The following GPC6 variants were observed in gnomAD, a reference collection of about 807,000 sequenced individuals.
GPC6 encodes the protein glypican-6.
In GPC6, 14 loss-of-function variants were observed where a neutral mutation model predicts 55.2. The observed-to-expected ratio is 0.25, with a 90% CI of 0.17 to 0.40. The LOEUF (loss-of-function observed/expected upper bound fraction) is 0.40, where lower values mean the gene tolerates loss of function less well. GPC6 is among the 10% of genes least tolerant of loss of function. The pLI, the probability that GPC6 is intolerant of heterozygous loss-of-function variation, is 1.00. For missense variants in GPC6, 641 were observed against 708.5 expected (o/e 0.90, Z 1.08); for synonymous variants, 278 against 259.6 (o/e 1.07, Z -0.68).
At chr13:94,334,986 G>A (rs1238735149) in intron 6 of GPC6, among the ~76,000 whole-genome samples, 1 of 152,230 alleles carries the variant, frequency 6.6e-6, no homozygotes, top group Admixed American at 6.5e-5. Context: ...ACTATTTATT[G>A]TGATTGTAAC....
At chr13:93,398,681 T>A (rs1384149676) in intron 1 of GPC6, among the ~76,000 whole-genome samples, 4 of 152,172 alleles carry the variant, frequency 2.6e-5, no homozygotes, top group African/African-American at 9.7e-5. Flanking sequence ...AACCAGGTCC[T>A]ATGCCAGATA....
At chr13:93,863,862 T>A (rs1333059872) in intron 3 of GPC6, among the ~76,000 whole-genome samples, 4 of 151,736 alleles carry the variant, frequency 2.6e-5, no homozygotes, top group Non-Finnish European at 5.9e-5. Context: ...TGCAAAAAGA[T>A]ACAGCAGTCT....
At chr13:94,153,125 A>G (rs924240911) in intron 4 of GPC6, among the ~76,000 whole-genome samples, 2 of 152,078 alleles carry the variant, frequency 1.3e-5, no homozygotes, top group Non-Finnish European at 1.5e-5. Context: ...TTGGTGGAAA[A>G]TATTAGGGAG....
At chr13:93,399,055 C>CACACAG (rs1336134097) in intron 1 of GPC6, among the ~76,000 whole-genome samples, 1 of 74,348 alleles carries the variant, frequency 1.3e-5, no homozygotes, top group African/African-American at 3.1e-5. Context: ...CCTACACACA[C>CACACAG]ACACAGACAC....
chr13:93,279,935 A>C (rs565427061), intron 1 of GPC6, among the ~76,000 whole-genome samples: 1 of 152,362 alleles, frequency 6.6e-6, no homozygotes, highest in South Asian at 2.1e-4. Flanking sequence ...ATTTCACAAT[A>C]ATAAACACAC....
At chr13:93,937,453 C>T (rs1355640445) in intron 3 of GPC6, among the ~76,000 whole-genome samples, 15 of 152,172 alleles carry the variant, frequency 9.9e-5, no homozygotes, top group South Asian at 2.1e-4. Context: ...TGGGACATAT[C>T]TGAATTAGCT....
chr13:93,320,298 G>A (rs1258513848), intron 1 of GPC6, among the ~76,000 whole-genome samples: 1 of 151,874 alleles, frequency 6.6e-6, no homozygotes, highest in Non-Finnish European at 1.5e-5. Context: ...AGTTATTAAG[G>A]AGTAATAAAT....
chr13:93,955,595 C>T (rs922416695), intron 3 of GPC6, among the ~76,000 whole-genome samples: 4 of 152,036 alleles, frequency 2.6e-5, no homozygotes, highest in Admixed American at 1.3e-4. Flanking sequence ...CTACTTTTTG[C>T]GAGCAGAAGA....
chr13:93,847,229 G>T (rs9516300), intron 3 of GPC6, among the ~76,000 whole-genome samples: 13 of 152,086 alleles, frequency 8.5e-5, no homozygotes, highest in African/African-American at 1.9e-4. Context: ...GTGATTTTCA[G>T]TCGGCTCTGG....
intron 3 of GPC6, among the ~76,000 whole-genome samples, chr13:93,849,029 G>A (rs949724251): frequency 1.3e-4 from 19 of 151,980 alleles, no homozygotes; most frequent in African/African-American, 4.6e-4. Context: ...TTGATTCAAA[G>A]TTTTCACATT....
At chr13:94,013,413 C>T (rs1012286883) in intron 3 of GPC6, among the ~76,000 whole-genome samples, 9 of 152,028 alleles carry the variant, frequency 5.9e-5, no homozygotes, top group East Asian at 1.9e-4. Context: ...TGCTATGGCG[C>T]GATCTCAGCT....
chr13:93,522,183 T>A (rs974504645), intron 1 of GPC6, among the ~76,000 whole-genome samples: 1 of 151,964 alleles, frequency 6.6e-6, no homozygotes, highest in African/African-American at 2.4e-5. Context: ...CGCCTGTCAT[T>A]ATCTTTGAGC....
At chr13:93,431,881 G>T (rs115815914) in intron 1 of GPC6, among the ~76,000 whole-genome samples, 20 of 152,126 alleles carry the variant, frequency 1.3e-4, no homozygotes, top group Non-Finnish European at 2.1e-4. Flanking sequence ...GTAGATAAGA[G>T]ATATAAAACT....
intron 1 of GPC6, among the ~76,000 whole-genome samples, chr13:93,429,536 G>A (rs1297011235): frequency 6.6e-6 from 1 of 152,054 alleles, no homozygotes; most frequent in East Asian, 1.9e-4. Flanking sequence ...CTCATGTCTA[G>A]ACACACTGCC....
At chr13:94,237,438 A>G (rs1395492892) in intron 4 of GPC6, among the ~76,000 whole-genome samples, 1 of 152,134 alleles carries the variant, frequency 6.6e-6, no homozygotes, top group African/African-American at 2.4e-5. Flanking sequence ...TTAGACAACA[A>G]ATAAACAGAT....
chr13:93,997,115 C>T (rs1255987863), intron 3 of GPC6, among the ~76,000 whole-genome samples: 2 of 152,088 alleles, frequency 1.3e-5, no homozygotes, highest in South Asian at 2.1e-4. Flanking sequence ...TGAACTTCTC[C>T]GTGTTTCCTC....
chr13:93,632,252 G>T (rs1307506963), intron 2 of GPC6, among the ~76,000 whole-genome samples: 1 of 152,086 alleles, frequency 6.6e-6, no homozygotes, highest in Non-Finnish European at 1.5e-5. Context: ...GATATCATTG[G>T]TGCTGACAGT....
intron 7 of GPC6, among the ~76,000 whole-genome samples, chr13:94,397,107 G>A (rs1276521910): frequency 6.6e-6 from 1 of 152,098 alleles, no homozygotes; most frequent in Non-Finnish European, 1.5e-5. Flanking sequence ...TATGATGAAA[G>A]CAATATTTTT....
chr13:93,552,815 CAGA>C (rs1875231401), intron 2 of GPC6, among the ~76,000 whole-genome samples: 2 of 152,184 alleles, frequency 1.3e-5, no homozygotes. Context: ...TGTTAATGAG[CAGA>C]CAAGTATCCT....
Sources: allele counts gnomAD v4.1 joint callset (sites outside exome capture counted in the v4.1 genomes callset), GRCh38; gene constraint gnomAD v4.1.1; transcripts MANE v1.5; gene names NCBI Gene and HGNC (gene_info 2026-07-23, HGNC 2026-07-21).